Variants in SHISA6 observed in about 807,000 individuals in gnomAD.
SHISA6 encodes shisa family member 6, also known as protein shisa-6.
In SHISA6, 22 loss-of-function variants were observed where a neutral mutation model predicts 47.9. The observed-to-expected ratio is 0.46, with a 90% CI of 0.33 to 0.66. The LOEUF (loss-of-function observed/expected upper bound fraction) is 0.66. Ranked by LOEUF, SHISA6 falls within the 30% of genes least tolerant of loss-of-function variation. The pLI, the probability that SHISA6 is intolerant of heterozygous loss-of-function variation, is 0.02. For synonymous variants in SHISA6, 388 were observed against 337.8 expected (o/e 1.15, Z -1.63); for missense variants, 680 against 764.6 (o/e 0.89, Z 1.30).
chr17:11,498,805 G>T (rs151063480), intron 3 of SHISA6, among the ~76,000 whole-genome samples: 153 of 152,300 alleles, frequency 1.0e-3, no homozygotes, highest in Non-Finnish European at 1.1e-3. Flanking sequence ...GGACTTGTAG[G>T]ACCTACTATC....
intron 2 of SHISA6, among the ~76,000 whole-genome samples, chr17:11,378,387 G>C (rs923853317): frequency 1.3e-5 from 2 of 152,150 alleles, no homozygotes; most frequent in African/African-American, 4.8e-5. Flanking sequence ...TTACAGCACT[G>C]TGATTCTGTT....
chr17:11,373,839 G>T (rs919836334), intron 2 of SHISA6, among the ~76,000 whole-genome samples: 1 of 152,124 alleles, frequency 6.6e-6, no homozygotes, highest in Non-Finnish European at 1.5e-5. Flanking sequence ...CTAATTGTCG[G>T]TATTACAAAC....
intron 2 of SHISA6, among the ~76,000 whole-genome samples, chr17:11,337,770 C>G (rs564141221): frequency 2.6e-5 from 4 of 152,306 alleles, no homozygotes; most frequent in African/African-American, 4.8e-5. Context: ...TCTTCACCAT[C>G]AGACCTGAGT....
intron 2 of SHISA6, among the ~76,000 whole-genome samples, chr17:11,321,783 C>T (rs1910725375): frequency 6.6e-6 from 1 of 152,148 alleles, no homozygotes; most frequent in South Asian, 2.1e-4. Context: ...CAACCTGTGG[C>T]CCACAGGCTG....
At chr17:11,333,953 G>A (rs1911225112) in intron 2 of SHISA6, among the ~76,000 whole-genome samples, 1 of 152,174 alleles carries the variant, frequency 6.6e-6, no homozygotes, top group Admixed American at 6.5e-5. Context: ...TCCAGAGAGG[G>A]CACAGAAGCT....
At chr17:11,382,599 T>A (rs1325586974) in intron 3 of SHISA6, among the ~76,000 whole-genome samples, 2 of 152,212 alleles carry the variant, frequency 1.3e-5, no homozygotes, top group Non-Finnish European at 2.9e-5. Context: ...ATTCTCTTTG[T>A]TTTATTTCTC....
chr17:11,495,666 G>A (rs2071402079), intron 3 of SHISA6, among the ~76,000 whole-genome samples: 1 of 152,196 alleles, frequency 6.6e-6, no homozygotes, highest in Admixed American at 6.5e-5. Flanking sequence ...CAGTCAGACT[G>A]CAAGGATGCA....
intron 2 of SHISA6, among the ~76,000 whole-genome samples, chr17:11,359,260 C>A (rs1912183901): frequency 6.6e-6 from 1 of 152,166 alleles, no homozygotes; most frequent in Non-Finnish European, 1.5e-5. Flanking sequence ...TGTCTTCTAT[C>A]ATCTCATTTT....
intron 3 of SHISA6, among the ~76,000 whole-genome samples, chr17:11,456,723 G>A (rs886902550): frequency 7.2e-5 from 11 of 152,180 alleles, no homozygotes; most frequent in African/African-American, 2.4e-4. Context: ...CTCTGCACAC[G>A]AAGAACTGCA....
At chr17:11,331,512 T>C (rs1242374330) in intron 2 of SHISA6, among the ~76,000 whole-genome samples, 1 of 152,120 alleles carries the variant, frequency 6.6e-6, no homozygotes, top group Non-Finnish European at 1.5e-5. Flanking sequence ...AGTTTTCTAT[T>C]CTTATTTTTA....
chr17:11,550,333 G>A (rs530350971), intron 3 of SHISA6, among the ~76,000 whole-genome samples: 2 of 152,176 alleles, frequency 1.3e-5, no homozygotes, highest in Non-Finnish European at 2.9e-5. Flanking sequence ...GGGATTACAG[G>A]TGTGAGCCAC....
At chr17:11,349,486 A>G (rs1208925108) in intron 2 of SHISA6, among the ~76,000 whole-genome samples, 3 of 152,178 alleles carry the variant, frequency 2.0e-5, no homozygotes, top group African/African-American at 7.2e-5. Flanking sequence ...TCACCCACCT[A>G]CATAGTAACA....
intron 3 of SHISA6, among the ~76,000 whole-genome samples, chr17:11,466,689 AC>A (rs1457671851): frequency 6.6e-6 from 1 of 152,176 alleles, no homozygotes; most frequent in Non-Finnish European, 1.5e-5. Flanking sequence ...TTTTGTAGGC[AC>A]TTTTTTCTGA....
chr17:11,388,028 G>A (rs920461169), intron 3 of SHISA6, among the ~76,000 whole-genome samples: 1 of 152,136 alleles, frequency 6.6e-6, no homozygotes, highest in Non-Finnish European at 1.5e-5. Flanking sequence ...GTATGTGTGG[G>A]CCTCTGTAAA....
chr17:11,394,368 G>A (rs894224195), intron 3 of SHISA6, among the ~76,000 whole-genome samples: 1 of 152,124 alleles, frequency 6.6e-6, no homozygotes, highest in African/African-American at 2.4e-5. Flanking sequence ...TAATATTCCA[G>A]GACTCCTGCA....
intron 3 of SHISA6, among the ~76,000 whole-genome samples, chr17:11,384,762 T>C (rs1913137989): frequency 1.3e-5 from 2 of 152,120 alleles, no homozygotes; most frequent in Non-Finnish European, 2.9e-5. Flanking sequence ...TCCTCTGATA[T>C]TTCTCACCAC....
chr17:11,420,463 A>G (rs1914421244), intron 3 of SHISA6, among the ~76,000 whole-genome samples: 1 of 152,240 alleles, frequency 6.6e-6, no homozygotes, highest in South Asian at 2.1e-4. Context: ...GAAATTTTAG[A>G]TCTTCCAGTG....
intron 3 of SHISA6, among the ~76,000 whole-genome samples, chr17:11,434,542 C>T (rs988430099): frequency 1.3e-5 from 2 of 152,154 alleles, no homozygotes; most frequent in Non-Finnish European, 2.9e-5. Flanking sequence ...ATAAAGATAG[C>T]ATTCCCATGT....
chr17:11,429,994 A>G (rs1450804902), intron 3 of SHISA6, among the ~76,000 whole-genome samples: 5 of 152,218 alleles, frequency 3.3e-5, no homozygotes, highest in African/African-American at 1.2e-4. Flanking sequence ...AAAGGGAACT[A>G]ACATTTGTCA....
Sources: gnomAD v4.1 joint callset for allele counts (sites outside exome capture counted in the v4.1 genomes callset) on GRCh38, gnomAD v4.1.1 for gene constraint, MANE v1.5 for transcripts, NCBI Gene and HGNC (gene_info 2026-07-23, HGNC 2026-07-21) for gene names.